AFTPH: variants seen among roughly 807,000 people sequenced by gnomAD.
AFTPH encodes aftiphilin protein.
AFTPH carries 7 observed loss-of-function variants against 72.5 expected under a neutral mutation model. The ratio of observed to expected loss-of-function variants is 0.10; its 90% CI spans 0.05 to 0.18. AFTPH has a LOEUF of 0.18. Among genes scored for constraint, AFTPH ranks in the 10% least tolerant of loss-of-function variants. The pLI, the probability that AFTPH is intolerant of heterozygous loss-of-function variation, is 1.00. For synonymous variants in AFTPH, 337 were observed against 370.1 expected (o/e 0.91, Z 1.03); for missense variants, 979 against 1,060.5 (o/e 0.92, Z 1.07).
intron 1 of AFTPH, among the ~76,000 whole-genome samples, chr2:64,542,901 G>A (rs1291101959): frequency 1.3e-5 from 2 of 152,170 alleles, no homozygotes; most frequent in East Asian, 3.8e-4. Context: ...TATAATGGTA[G>A]TTGATCATTT....
chr2:64,576,141 G>T (rs752997538), intron 6 of AFTPH, among the ~76,000 whole-genome samples: 3 of 56,094 alleles, frequency 5.3e-5, no homozygotes, highest in African/African-American at 2.1e-4. Flanking sequence ...AATGAAATAC[G>T]TGTGTGTGTG....
intron 1 of AFTPH, among the ~76,000 whole-genome samples, chr2:64,525,095 C>G (rs747121426): frequency 2.4e-4 from 37 of 152,344 alleles, no homozygotes; most frequent in Non-Finnish European, 3.8e-4. Context: ...CCAAGGGTCT[C>G]TGAAGCAAGC....
chr2:64,589,987 G>T (rs1262131027), intron 8 of AFTPH, among the ~76,000 whole-genome samples: 1 of 149,154 alleles, frequency 6.7e-6, no homozygotes, highest in Non-Finnish European at 1.5e-5. Context: ...GATTTTAGAG[G>T]TCATAGTGAA....
chr2:64,581,360 G>A (rs1415373655), intron 7 of AFTPH, 87 bp downstream of exon 8: 1 of 1,088,326 alleles, frequency 9.2e-7, no homozygotes, highest in Non-Finnish European at 1.3e-6. Flanking sequence ...AAGGAAACAA[G>A]TAGATTGTAT....
At chr2:64,572,051 A>G (rs577916081) in intron 5 of AFTPH, among the ~76,000 whole-genome samples, 1 of 152,100 alleles carries the variant, frequency 6.6e-6, no homozygotes, top group African/African-American at 2.4e-5. Context: ...CCCCATCTCT[A>G]CTAAAAAAAA....
rs763666920 is a variant in AFTPH at position 64,552,757 on chromosome 2, A to G, written c.1283A>G (p.Asn428Ser). ...GACTTTGTGACTTGCAATGATATCA[A>G]TGAAGATGATTTTGGTGATTTTGGT... Residue 428 changes from asparagine to serine, a missense_variant, in exon 2 of 9, where the codon AAT (asparagine) becomes AGT (serine). Physicochemically the swap from Asn to Ser is conservative, Grantham distance 46. Around this residue, in one of 3 missense-constraint regions of AFTPH, gnomAD observed 498 missense variants for 467.6 expected, o/e 1.06. Coordinates refer to ENST00000238856, the Ensembl canonical transcript of AFTPH. 17 of 1,614,074 alleles carry G rather than the reference A, an allele frequency of 1.1e-5. No homozygotes were observed. The highest frequency in any genetic ancestry group is 2.2e-5 in the South Asian group (2 of 91,088).
chr2:64,550,672 CGCAT>C (rs1670972911), intron 1 of AFTPH, among the ~76,000 whole-genome samples: 1 of 133,692 alleles, frequency 7.5e-6, no homozygotes, highest in South Asian at 2.4e-4. Flanking sequence ...TAGAACTGTA[CGCAT>C]GCACACACAC....
At chr2:64,566,586 A>G (rs948078918) in intron 2 of AFTPH, among the ~76,000 whole-genome samples, 2 of 152,170 alleles carry the variant, frequency 1.3e-5, no homozygotes, top group African/African-American at 4.8e-5. Context: ...TTAACTTAAT[A>G]ACAATTTGTA....
intron 2 of AFTPH, among the ~76,000 whole-genome samples, chr2:64,558,963 C>A (rs1036741995): frequency 6.6e-6 from 1 of 152,034 alleles, no homozygotes; most frequent in Non-Finnish European, 1.5e-5. Flanking sequence ...AACTGGCATA[C>A]CCAGAAAAAA....
chr2:64,572,922 T>C, intron 5 of AFTPH, 24 bp from the exon 6 acceptor site: 2 of 1,613,842 alleles, frequency 1.2e-6, no homozygotes, highest in Non-Finnish European at 1.7e-6. Context: ...CCATCCCCAT[T>C]AAAGGCTAAT....
chr2:64,563,108 C>T (rs7602670), intron 2 of AFTPH, among the ~76,000 whole-genome samples: 6,987 of 152,190 alleles, frequency 0.046, 345 homozygotes, highest in African/African-American at 0.12. Flanking sequence ...GCTGCATATA[C>T]TCTGTATTGA....
intron 2 of AFTPH, among the ~76,000 whole-genome samples, chr2:64,557,521 G>A (rs1050361405): frequency 6.6e-6 from 1 of 152,068 alleles, no homozygotes; most frequent in African/African-American, 2.4e-5. Flanking sequence ...TTGCTCTGTC[G>A]CCCAGGCTGG....
At chr2:64,569,318 A>C in intron 4 of AFTPH, 100 bp downstream of exon 4, 1 of 1,422,858 alleles carries the variant, frequency 7.0e-7, no homozygotes, top group Non-Finnish European at 9.5e-7. Flanking sequence ...AGTTCCTCAG[A>C]AAATAAATAT....
chr2:64,541,446 GA>G (rs910838421), intron 1 of AFTPH, among the ~76,000 whole-genome samples: 1 of 151,912 alleles, frequency 6.6e-6, no homozygotes, highest in African/African-American at 2.4e-5. Context: ...CACCCAAAAA[GA>G]AAAAACAATT....
chr2:64,567,510 G>A, intron 2 of AFTPH, 52 bp from the exon 3 acceptor site: 1 of 1,558,530 alleles, frequency 6.4e-7, no homozygotes, highest in Admixed American at 1.9e-5. Context: ...CTATAACTAT[G>A]ATATTATCAA....
intron 2 of AFTPH, among the ~76,000 whole-genome samples, chr2:64,564,955 C>G (rs1285890040): frequency 6.6e-6 from 1 of 151,772 alleles, no homozygotes; most frequent in Non-Finnish European, 1.5e-5. Flanking sequence ...TCTCATGCCT[C>G]AACCTCCTGA....
intron 5 of AFTPH, among the ~76,000 whole-genome samples, chr2:64,572,099 A>G (rs1475712273): frequency 2.0e-5 from 3 of 151,940 alleles, no homozygotes; most frequent in Non-Finnish European, 4.4e-5. Flanking sequence ...GGACACCTGT[A>G]ATCTTAGCTA....
Position 64,551,440 on chromosome 2 carries a change from C to T in AFTPH, c.-32-3C>T. On this transcript the variant is annotated splice_polypyrimidine_tract_variant and splice_region_variant and intron_variant, in intron 1 of 8. Transcript: ENST00000238856. ...CCAAAAATTCTTTTTTTCTTTTTTA[C>T]AGGTGTAAATTAATTATTTGAAAGC... is the stretch of plus-strand genomic sequence containing the variant. 1 of 1,560,668 alleles carries T rather than the reference C, an allele frequency of 6.4e-7. No homozygotes were observed. The highest frequency in any genetic ancestry group is 2.1e-5 in the Admixed American group (1 of 48,166).
intron 5 of AFTPH, among the ~76,000 whole-genome samples, chr2:64,572,448 A>T (rs1194373572): frequency 2.0e-5 from 3 of 152,120 alleles, no homozygotes; most frequent in Non-Finnish European, 4.4e-5. Context: ...CCATGGGGTA[A>T]TGTGTACAAA....
Sources: gnomAD v4.1 joint callset for allele counts (sites outside exome capture counted in the v4.1 genomes callset) on GRCh38, gnomAD v4.1.1 for gene constraint, gnomAD v4.1.1 regional missense constraint, MANE v1.5 for transcripts, NCBI Gene and HGNC (gene_info 2026-07-23, HGNC 2026-07-21) for gene names.